The following ROR1 variants were observed in gnomAD, a reference collection of about 807,000 sequenced individuals.
The protein encoded by ROR1 is inactive tyrosine-protein kinase transmembrane receptor ROR1.
In ROR1, 19 loss-of-function variants were observed where a neutral mutation model predicts 78.8. The ratio of observed to expected loss-of-function variants is 0.24; its 90% CI spans 0.17 to 0.35. The LOEUF (loss-of-function observed/expected upper bound fraction) is 0.35. Ranked by LOEUF, ROR1 falls within the 10% of genes least tolerant of loss-of-function variation. The probability of loss-of-function intolerance (pLI) is 1.00; values close to 1 mark genes in which losing one functional copy is unlikely to be tolerated. For synonymous variants in ROR1, 386 were observed against 433.6 expected (o/e 0.89, Z 1.36); for missense variants, 917 against 1,177.8 (o/e 0.78, Z 3.24).
chr1:63,806,741 A>G (rs1292276347), intron 1 of ROR1, among the ~76,000 whole-genome samples: 2 of 152,122 alleles, frequency 1.3e-5, no homozygotes, highest in Non-Finnish European at 2.9e-5. Flanking sequence ...TGACCTTTGT[A>G]TCTTTGTATT....
At chr1:63,793,845 C>T (rs1402522545) in intron 1 of ROR1, among the ~76,000 whole-genome samples, 1 of 152,176 alleles carries the variant, frequency 6.6e-6, no homozygotes, top group Non-Finnish European at 1.5e-5. Flanking sequence ...TGGTTTCCTG[C>T]AGTAAGCTCC....
Position 63,774,500 on chromosome 1 carries a change from C to G in ROR1, c.83C>G (p.Ala28Gly). Residue 28 changes from alanine to glycine, a missense_variant, in exon 1 of 9, where the codon GCT (alanine) becomes GGT (glycine). Around this residue, in one of 3 missense-constraint regions of ROR1, gnomAD observed 63 missense variants for 57.0 expected, o/e 1.10. Transcript: ENST00000371079. The surrounding 1 kb of genome is among the most constrained non-coding windows in gnomAD (Gnocchi z 5.7). ...AALLLAARGA[A>G]AQETELSVSA... ...CTGCTGCTGGCCGCACGCGGGGCTG[C>G]TGCCCAAGGTAAGAGGCGCCCGCCG... 8.8e-7 allele frequency: 1 copy of G among 1,141,762 alleles called. No individual in the cohort carries two copies. Among genetic ancestry groups the G allele is most frequent in the Non-Finnish European group, 1.1e-6 (1 of 934,458 alleles). The allele number at this position is 1,141,762 out of a possible 1,614,324, so 70.7% of individuals were successfully genotyped here.
intron 1 of ROR1, among the ~76,000 whole-genome samples, chr1:63,850,010 A>G (rs1645104076): frequency 6.6e-6 from 1 of 152,184 alleles, no homozygotes; most frequent in African/African-American, 2.4e-5. Flanking sequence ...TCTGTCCTTT[A>G]AATGTGATGT....
At chr1:63,822,917 A>C (rs1258174374) in intron 1 of ROR1, among the ~76,000 whole-genome samples, 1 of 152,160 alleles carries the variant, frequency 6.6e-6, no homozygotes, top group Non-Finnish European at 1.5e-5. Flanking sequence ...TGATCTACAC[A>C]ATCATTGTGG....
rs1324358 is a variant in ROR1, at chr1:64,079,137, G to C, written c.482+28421G>C. On this transcript the variant is annotated intron_variant, in intron 4 of 8. Coordinates refer to ENST00000371079, the MANE Select transcript of ROR1 (RefSeq NM_005012.4). ...TCCATGCAGCTTCAGGAGACAGAACGAGGTCCAACAAGTGGTCATTCCTAG... is the reference window on the plus strand; with the variant it reads ...TCCATGCAGCTTCAGGAGACAGAACCAGGTCCAACAAGTGGTCATTCCTAG... Among the ~76,000 whole-genome samples the C allele has an allele frequency of 2.6e-5, 4 of 152,180 alleles. No homozygotes were observed. The South Asian group carries it at 8.3e-4, about 32-fold the overall frequency.
At chr1:63,839,554 A>G (rs777058657) in intron 1 of ROR1, among the ~76,000 whole-genome samples, 5 of 152,188 alleles carry the variant, frequency 3.3e-5, no homozygotes, top group Non-Finnish European at 7.4e-5. Context: ...GGTGCAAATA[A>G]TATATGTACC....
chr1:64,067,171 GA>G (rs1241723452), intron 4 of ROR1, among the ~76,000 whole-genome samples: 1 of 151,800 alleles, frequency 6.6e-6, no homozygotes, highest in Non-Finnish European at 1.5e-5. Context: ...GCAATGTGGC[GA>G]AACCTAGTCT....
intron 1 of ROR1, among the ~76,000 whole-genome samples, chr1:63,992,311 G>A (rs1646302975): frequency 1.3e-5 from 2 of 151,946 alleles, no homozygotes; most frequent in African/African-American, 2.4e-5. Flanking sequence ...TGGTTCAAGC[G>A]ATTCTCCTGC....
chr1:64,091,313 A>G lies in ROR1; in HGVS notation c.482+40597A>G, dbSNP rs1647195165. The stretch of plus-strand genomic sequence containing the variant: ...ACAGATTGTGCCCAGCCTTAAAACA[A>G]TAACATGTTTCTTTCACATTTCACA... On this transcript the variant is annotated intron_variant, in intron 4 of 8. Coordinates refer to ENST00000371079, the MANE Select transcript of ROR1 (RefSeq NM_005012.4). 2.6e-5 allele frequency among the ~76,000 whole-genome samples: 4 copies of G among 152,202 alleles called. No homozygotes were observed. The East Asian group carries it at 7.7e-4, about 29-fold the overall frequency.
chr1:63,941,027 A>G (rs946106141), intron 1 of ROR1, among the ~76,000 whole-genome samples: 1 of 152,288 alleles, frequency 6.6e-6, no homozygotes, highest in Admixed American at 6.5e-5. Context: ...ACTGTCCTGT[A>G]TTTGTCATAG....
chr1:64,063,437 G>A (rs534953642), intron 4 of ROR1, among the ~76,000 whole-genome samples: 1 of 152,288 alleles, frequency 6.6e-6, no homozygotes, highest in South Asian at 2.1e-4. Context: ...GAATCATAAT[G>A]TGGGATGGCA....
chr1:63,937,275 G>A (rs578210374), intron 1 of ROR1, among the ~76,000 whole-genome samples: 19 of 152,266 alleles, frequency 1.2e-4, no homozygotes, highest in East Asian at 3.9e-4. Flanking sequence ...GCCCTGGGCC[G>A]TCCTTTTACT....
chr1:63,877,939 G>C (rs1645298169), intron 1 of ROR1, among the ~76,000 whole-genome samples: 1 of 152,182 alleles, frequency 6.6e-6, no homozygotes, highest in Non-Finnish European at 1.5e-5. Context: ...CAGGCTGCTT[G>C]TGGGTGAGGG....
chr1:63,797,167 C>T (rs575508866), intron 1 of ROR1, among the ~76,000 whole-genome samples: 55 of 152,184 alleles, frequency 3.6e-4, no homozygotes, highest in African/African-American at 1.0e-3. Context: ...TAACACATGC[C>T]GAGAACTTTC....
chr1:63,816,044 C>T (rs565347842), intron 1 of ROR1, among the ~76,000 whole-genome samples: 1 of 152,320 alleles, frequency 6.6e-6, no homozygotes, highest in Admixed American at 6.5e-5. Context: ...GGAAGCTGGC[C>T]ACAGGCTGCA....
intron 1 of ROR1, among the ~76,000 whole-genome samples, chr1:64,007,361 C>G (rs879840796): frequency 9.8e-5 from 14 of 142,946 alleles, no homozygotes; most frequent in Non-Finnish European, 2.0e-4. Flanking sequence ...CCCTAATATT[C>G]TCTAGTAATG....
Position 64,025,862 on chromosome 1 carries a change from G to A in ROR1, c.163+16486G>A, listed in dbSNP as rs370988733. Among the ~76,000 whole-genome samples the A allele has an allele frequency of 2.1e-4, 32 of 152,226 alleles. 2 individuals are homozygous for A. Among genetic ancestry groups the A allele is most frequent in the Admixed American group, 1.1e-3 (17 of 15,274 alleles). The stretch of plus-strand genomic sequence containing the variant: ...GATACAATGGACTCTGGAGACTTGG[G>A]GGAAAGGGTGGGAGGTGGGTGAGGG... On this transcript the variant is annotated intron_variant, in intron 2 of 8. Coordinates refer to ENST00000371079, the MANE Select transcript of ROR1 (RefSeq NM_005012.4).
intron 1 of ROR1, among the ~76,000 whole-genome samples, chr1:63,895,788 A>AT (rs1019348476): frequency 6.6e-6 from 1 of 151,882 alleles, no homozygotes; most frequent in Non-Finnish European, 1.5e-5. Flanking sequence ...AAATTTTACA[A>AT]TTTTTTCTTT....
intron 4 of ROR1, among the ~76,000 whole-genome samples, chr1:64,137,122 A>AT (rs1376117420): frequency 6.6e-6 from 1 of 152,088 alleles, no homozygotes; most frequent in African/African-American, 2.4e-5. Context: ...AAATAAAAGC[A>AT]TTTTCTCCCA....
Sources: allele counts gnomAD v4.1 joint callset (sites outside exome capture counted in the v4.1 genomes callset), GRCh38; gene constraint gnomAD v4.1.1; regional missense constraint gnomAD v4.1.1; non-coding constraint Gnocchi (gnomAD v3.1); transcripts MANE v1.5; gene names NCBI Gene and HGNC (gene_info 2026-07-23, HGNC 2026-07-21).